Variants in USP24 observed in about 807,000 individuals in gnomAD.
The protein encoded by USP24 is ubiquitin specific peptidase 24, also known as ubiquitin carboxyl-terminal hydrolase 24.
A neutral mutation model predicts 361.6 loss-of-function variants in USP24; 97 were observed. That is an observed-to-expected ratio of 0.27 (90% CI 0.23 to 0.32). The LOEUF (loss-of-function observed/expected upper bound fraction) is 0.32. Among genes scored for constraint, USP24 ranks in the 10% least tolerant of loss-of-function variants. USP24 has a pLI of 1.00. For synonymous variants in USP24, 1,098 were observed against 1,124.6 expected (o/e 0.98, Z 0.47); for missense variants, 2,353 against 3,165.6 (o/e 0.74, Z 6.16).
intron 38 of USP24, 112 bp from the exon 39 acceptor site, chr1:55,110,358 C>CA: frequency 1.2e-6 from 1 of 830,322 alleles, no homozygotes; most frequent in South Asian, 2.3e-5. Flanking sequence ...TTTTGGTAAG[C>CA]ATAACTACTT....
chr1:55,142,014 G>C (rs780457065), intron 23 of USP24, among the ~76,000 whole-genome samples: 1 of 152,144 alleles, frequency 6.6e-6, no homozygotes, highest in Non-Finnish European at 1.5e-5. Context: ...GACCTCATAA[G>C]GGGTATTCGA....
In USP24 at chr1:55,079,596, AG is replaced by A; in HGVS notation, c.7141del (p.Leu2381SerfsTer5). On this transcript the variant is annotated frameshift_variant, in exon 60 of 68. Transcript: ENST00000294383. LOFTEE classifies it high-confidence loss of function. ...CAACAAGGCTTCTACCTCCTCATGGAGGGGCAACAGAGGGCTTGAGGGAGCA... is the reference window on the plus strand; with the variant it reads ...CAACAAGGCTTCTACCTCCTCATGGAGGGCAACAGAGGGCTTGAGGGAGCA... ...SIAPSSPLLP[L>X]HEEVEALLFM... 6.4e-7 allele frequency: 1 copy of A among 1,561,980 alleles called. No individual in the cohort carries two copies. The highest frequency in any genetic ancestry group is 1.2e-5 in the South Asian group (1 of 80,070).
chr1:55,074,456 A>C lies in USP24; in HGVS notation c.7448-550T>G, dbSNP rs1482247134. ...TGAGACCAGCCTGAGCAACATGATG[A>C]AAGTCTGTCTCTACAAAAAAATACA... On this transcript the variant is annotated intron_variant, in intron 63 of 67. Transcript: ENST00000294383. Among the ~76,000 whole-genome samples the C allele has an allele frequency of 5.9e-5, 9 of 152,204 alleles. No homozygotes were observed. The East Asian group carries it at 1.7e-3, about 29-fold the overall frequency.
At chr1:55,081,834 TTG>T (rs1645155110) in intron 58 of USP24, among the ~76,000 whole-genome samples, 1 of 152,244 alleles carries the variant, frequency 6.6e-6, no homozygotes. Context: ...TCTGCCTACT[TTG>T]TGATTTTGAG....
rs181331497 is a variant in USP24, at chr1:55,129,328, A to G, written c.3635+149T>C. 1.7e-3 allele frequency: 886 copies of G among 536,968 alleles called. 16 individuals carry two copies. The East Asian group carries it at 0.026, about 16-fold the overall frequency. 33.3% of individuals were successfully genotyped at this position (536,968 alleles called of 1,614,324 possible). On this transcript the variant is annotated intron_variant, in intron 32 of 67. Coordinates refer to ENST00000294383, the MANE Select transcript of USP24 (RefSeq NM_015306.3). ...TATAAAATGATTTAAAATATTTTAA[A>G]GGACTGAAACATCATTCCTTCTTAT...
Position 55,159,602 on chromosome 1 carries a change from G to A in USP24, c.1068+9C>T. ...CACTGGGGCCTATCTGGCTGGAGAA[G>A]GCATTTACCTTGTCTTTGAGGTCTT... On this transcript the variant is annotated intron_variant, in intron 9 of 67. Coordinates refer to ENST00000294383, the MANE Select transcript of USP24 (RefSeq NM_015306.3). The A allele has an allele frequency of 6.4e-7, 1 of 1,556,072 alleles. No individual in the cohort carries two copies. The highest frequency in any genetic ancestry group is 8.7e-7 in the Non-Finnish European group (1 of 1,148,390).
rs766169117 is a variant in USP24, at chr1:55,085,967, T to A, written c.6740A>T (p.Asp2247Val). The A allele has an allele frequency of 2.5e-5, 40 of 1,613,948 alleles. No individual in the cohort carries two copies. The highest frequency in any genetic ancestry group is 1.0e-5 in the Non-Finnish European group (12 of 1,179,834). The change falls in exon 56 of 68, where the codon GAC becomes GTC. Residue 2247 changes from aspartate (D) to valine (V), a missense_variant. By Grantham distance (152) the Asp-to-Val change is radical (BLOSUM62 -3). Transcript: ENST00000294383. Reference protein sequence around the residue: ...AVATILEKTLDSALFYQDKLK... With the variant: ...AVATILEKTLVSALFYQDKLK... ...CTTATCCTGATAAAACAAGGCACTG[T>A]CTAGGGTTTTCTCCAGAATGGTGGC...
intron 3 of USP24, among the ~76,000 whole-genome samples, chr1:55,175,219 C>CTTTTT (rs3072970): frequency 3.0e-5 from 2 of 66,924 alleles, no homozygotes; most frequent in Non-Finnish European, 5.5e-5. Context: ...TACTGGGTCT[C>CTTTTT]TTTTTTTTTT....
chr1:55,068,780 A>G lies in USP24; in HGVS notation c.*265T>C. On this transcript the variant is annotated 3_prime_UTR_variant, in exon 68 of 68. Transcript: ENST00000294383. Reference sequence around the variant, plus strand: ...TCTGCCACTGGCTCTATTTCCGAAAATCTCCACAGAAATGTGAATCCACAT... The same window carrying G: ...TCTGCCACTGGCTCTATTTCCGAAAGTCTCCACAGAAATGTGAATCCACAT... 1 of 433,524 alleles carries G rather than the reference A, an allele frequency of 2.3e-6. No homozygotes were observed. 26.9% of individuals were successfully genotyped at this position (433,524 alleles called of 1,614,324 possible).
At chr1:55,130,616 C>A (rs929385274) in intron 31 of USP24, among the ~76,000 whole-genome samples, 3 of 152,082 alleles carry the variant, frequency 2.0e-5, no homozygotes, top group African/African-American at 7.2e-5. Flanking sequence ...GAAACAGGTC[C>A]ACCAACCTGG....
At chr1:55,080,220 A>C (rs1645122339) in intron 59 of USP24, among the ~76,000 whole-genome samples, 1 of 152,186 alleles carries the variant, frequency 6.6e-6, no homozygotes. Flanking sequence ...TTTCGTTACA[A>C]AATTGTCTGA....
chr1:55,118,579 T>A (rs1196464380), intron 38 of USP24, among the ~76,000 whole-genome samples: 1 of 151,924 alleles, frequency 6.6e-6, no homozygotes, highest in African/African-American at 2.4e-5. Context: ...AAAACACAGG[T>A]AACTAAAGAG....
chr1:55,127,902 C>T (rs1367933528), intron 32 of USP24, among the ~76,000 whole-genome samples: 1 of 152,100 alleles, frequency 6.6e-6, no homozygotes, highest in Non-Finnish European at 1.5e-5. Context: ...CCTGACGCTA[C>T]CTTCCTGCCT....
At chr1:55,161,812 T>C (rs1570580710) in intron 8 of USP24, among the ~76,000 whole-genome samples, 1 of 152,200 alleles carries the variant, frequency 6.6e-6, no homozygotes, top group African/African-American at 2.4e-5. Context: ...AGTGAGCAAC[T>C]GAGCCAGTAA....
intron 32 of USP24, 25 bp downstream of exon 32, chr1:55,129,452 T>C (rs781701545): frequency 1.2e-6 from 2 of 1,602,480 alleles, no homozygotes; most frequent in East Asian, 2.2e-5. Context: ...CGGCAACTCA[T>C]GTAACATTAC....
Position 55,158,775 on chromosome 1 carries a change from T to C in USP24, c.1227+103A>G, listed in dbSNP as rs564951008. The C allele has an allele frequency of 8.8e-6, 9 of 1,018,342 alleles. No individual in the cohort carries two copies. In the African/African-American group the frequency reaches 1.0e-4, roughly 11 times the overall value. 63.1% of individuals were successfully genotyped at this position (1,018,342 alleles called of 1,614,324 possible). On this transcript the variant is annotated intron_variant, in intron 10 of 67. Transcript: ENST00000294383. ...CATTCTCTTTTTTATATGATTACAA[T>C]AAATTATTCATATTTCCCAAAATTG...
At chr1:55,116,519 T>C (rs1646121124) in intron 38 of USP24, among the ~76,000 whole-genome samples, 1 of 151,974 alleles carries the variant, frequency 6.6e-6, no homozygotes, top group Non-Finnish European at 1.5e-5. Context: ...GGAAAGGATA[T>C]AAGAGAGTAC....
At chr1:55,201,754 A>C (rs1472995585) in intron 1 of USP24, among the ~76,000 whole-genome samples, 1 of 152,176 alleles carries the variant, frequency 6.6e-6, no homozygotes, top group Non-Finnish European at 1.5e-5. Flanking sequence ...AAGGGAAGAA[A>C]GAACGGGAGG....
intron 43 of USP24, 71 bp downstream of exon 43, chr1:55,101,513 A>C: frequency 6.5e-7 from 1 of 1,541,950 alleles, no homozygotes; most frequent in Non-Finnish European, 8.7e-7. Context: ...AGCAATAAAA[A>C]ACTATGAAAC....
Sources: gnomAD v4.1 joint callset for allele counts (sites outside exome capture counted in the v4.1 genomes callset) on GRCh38, gnomAD v4.1.1 for gene constraint, MANE v1.5 for transcripts, NCBI Gene and HGNC (gene_info 2026-07-23, HGNC 2026-07-21) for gene names.